The following ADAM18 variants were observed in gnomAD, a reference collection of about 807,000 sequenced individuals.
ADAM18 encodes the protein disintegrin and metalloproteinase domain-containing protein 18.
In ADAM18, 117 loss-of-function variants were observed where a neutral mutation model predicts 94.4. The observed-to-expected ratio is 1.24, with a 90% CI of 1.07 to 1.45. The LOEUF (loss-of-function observed/expected upper bound fraction) is 1.45, where lower values mean the gene tolerates loss of function less well. Among genes scored for constraint, ADAM18 ranks in the 40% most tolerant of loss-of-function variants. The pLI is 0.00. For missense variants in ADAM18, 936 were observed against 880.0 expected (o/e 1.06, Z -0.81); for synonymous variants, 327 against 291.6 (o/e 1.12, Z -1.24).
intron 18 of ADAM18, among the ~76,000 whole-genome samples, chr8:39,722,311 T>C (rs1389525108): frequency 7.0e-6 from 1 of 143,604 alleles, no homozygotes; most frequent in Non-Finnish European, 1.5e-5. Context: ...ATATTTATAT[T>C]TCTTTATATA....
chr8:39,659,469 G>C (rs1196972183), intron 12 of ADAM18, among the ~76,000 whole-genome samples: 1 of 151,838 alleles, frequency 6.6e-6, no homozygotes, highest in African/African-American at 2.4e-5. Context: ...ATAAGCAATA[G>C]CAATTACTAA....
At chr8:39,680,674 T>C (rs1312399555) in intron 16 of ADAM18, among the ~76,000 whole-genome samples, 1 of 152,184 alleles carries the variant, frequency 6.6e-6, no homozygotes, top group Non-Finnish European at 1.5e-5. Context: ...ATATACAGGC[T>C]CATGCGTATA....
chr8:39,637,800 C>A, intron 9 of ADAM18, 97 bp downstream of exon 9: 1 of 1,194,088 alleles, frequency 8.4e-7, no homozygotes, highest in South Asian at 2.1e-5. Context: ...TTTGTAAGCC[C>A]CTTTGGAAGT....
At chr8:39,624,262 T>C (rs1421714198) in intron 6 of ADAM18, among the ~76,000 whole-genome samples, 1 of 152,228 alleles carries the variant, frequency 6.6e-6, no homozygotes, top group Non-Finnish European at 1.5e-5. Context: ...AGCTTTCTTC[T>C]AGAATTTTTA....
chr8:39,728,157 G>A (rs1822973690), intron 19 of ADAM18, among the ~76,000 whole-genome samples: 1 of 152,096 alleles, frequency 6.6e-6, no homozygotes, highest in Non-Finnish European at 1.5e-5. Context: ...CAAACCATGG[G>A]AGATTCACCC....
chr8:39,605,515 A>G (rs1265879830), intron 2 of ADAM18, among the ~76,000 whole-genome samples: 1 of 152,140 alleles, frequency 6.6e-6, no homozygotes, highest in Non-Finnish European at 1.5e-5. Flanking sequence ...ATGACTGCAC[A>G]TATGTATGTA....
chr8:39,640,868 T>A (rs963828838), intron 10 of ADAM18, among the ~76,000 whole-genome samples: 1 of 138,968 alleles, frequency 7.2e-6, no homozygotes, highest in Admixed American at 7.0e-5. Context: ...TTTGTAATGG[T>A]TTTTTTTTTC....
intron 3 of ADAM18, 78 bp from the exon 4 acceptor site, chr8:39,608,964 A>G (rs1819176238): frequency 2.4e-6 from 2 of 828,904 alleles, no homozygotes; most frequent in Non-Finnish European, 3.8e-6. Context: ...CGTGTTATAT[A>G]AAATGTATGT....
intron 19 of ADAM18, among the ~76,000 whole-genome samples, chr8:39,728,268 A>AT (rs920559100): frequency 8.8e-4 from 133 of 151,654 alleles, no homozygotes; most frequent in Middle Eastern, 3.4e-3. Context: ...ATATATTCAC[A>AT]TTTTTTTTTA....
chr8:39,705,771 C>A (rs549721597), intron 17 of ADAM18, among the ~76,000 whole-genome samples: 1 of 151,920 alleles, frequency 6.6e-6, no homozygotes, highest in East Asian at 1.9e-4. Context: ...TGAGTATAAA[C>A]GGAAAGGACA....
intron 2 of ADAM18, among the ~76,000 whole-genome samples, chr8:39,585,822 A>G (rs985632869): frequency 2.0e-5 from 3 of 152,240 alleles, no homozygotes; most frequent in Non-Finnish European, 2.9e-5. Context: ...TTGCCCTATT[A>G]TGATGAAAAA....
intron 2 of ADAM18, among the ~76,000 whole-genome samples, chr8:39,597,933 G>T (rs1818786791): frequency 6.6e-6 from 1 of 152,108 alleles, no homozygotes; most frequent in Admixed American, 6.5e-5. Flanking sequence ...ATTTCACTTA[G>T]TTCTTATTTA....
At chr8:39,598,009 T>G (rs1585881011) in intron 2 of ADAM18, among the ~76,000 whole-genome samples, 1 of 152,230 alleles carries the variant, frequency 6.6e-6, no homozygotes, top group South Asian at 2.1e-4. Context: ...GATTTGTATC[T>G]AAATATTTTG....
chr8:39,728,569 G>A, intron 19 of ADAM18, among the ~76,000 whole-genome samples: 1 of 152,086 alleles, frequency 6.6e-6, no homozygotes, highest in South Asian at 2.1e-4. Flanking sequence ...TCTTTAAGGT[G>A]TATAGGACTA....
chr8:39,707,729 T>G (rs1455167893), intron 18 of ADAM18, among the ~76,000 whole-genome samples: 1 of 152,136 alleles, frequency 6.6e-6, no homozygotes, highest in Non-Finnish European at 1.5e-5. Flanking sequence ...ATTTAAATAT[T>G]AAAATATTTA....
At chr8:39,708,794 C>G (rs368406375) in intron 18 of ADAM18, among the ~76,000 whole-genome samples, 1 of 152,222 alleles carries the variant, frequency 6.6e-6, no homozygotes, top group Admixed American at 6.5e-5. Context: ...TGTGTTCCAA[C>G]CCTTGAAGGA....
chr8:39,628,231 T>A (rs1711883612), intron 6 of ADAM18, among the ~76,000 whole-genome samples: 1 of 151,888 alleles, frequency 6.6e-6, no homozygotes, highest in African/African-American at 2.4e-5. Flanking sequence ...ATAATGAAAG[T>A]TTAAAAGACC....
Position 39,610,682 on chromosome 8 carries a change from C to T in ADAM18, c.498C>T (p.Pro166=). The T allele has an allele frequency of 1.2e-6, 2 of 1,613,164 alleles. No homozygotes were observed. The highest frequency in any genetic ancestry group is 1.7e-6 in the Non-Finnish European group (2 of 1,179,500). Residue 166 remains proline (P), a synonymous_variant, in exon 6 of 20, where the codon CCC becomes CCT. Coordinates refer to ENST00000265707, the MANE Select transcript of ADAM18 (RefSeq NM_014237.3). ...GTCATATTTGGCAGAAAGACCAGCC[C>T]TACAAAGTTCCTTTAAACTCACAGG... ...NYSHIWQKDQ[P]YKVPLNSQIK...
At chr8:39,605,676 T>TA in intron 2 of ADAM18, 2 of 220,026 alleles carry the variant, frequency 9.1e-6, no homozygotes, top group South Asian at 5.8e-5. Context: ...AATATATATA[T>TA]TTTTTTAAAA....
Sources: allele counts gnomAD v4.1 joint callset (sites outside exome capture counted in the v4.1 genomes callset), GRCh38; gene constraint gnomAD v4.1.1; transcripts MANE v1.5; gene names NCBI Gene and HGNC (gene_info 2026-07-23, HGNC 2026-07-21).